OTX1: variants seen among roughly 807,000 people sequenced by gnomAD.
The protein encoded by OTX1 is orthodenticle homeobox 1.
In OTX1, 7 loss-of-function variants were observed where a neutral mutation model predicts 26.7. The observed-to-expected ratio is 0.26, with a 90% CI of 0.15 to 0.49. The LOEUF is 0.49. Ranked by LOEUF, OTX1 falls within the 20% of genes least tolerant of loss-of-function variation. The pLI, the probability that OTX1 is intolerant of heterozygous loss-of-function variation, is 0.98. For missense variants in OTX1, 414 were observed against 483.8 expected, an observed-to-expected ratio of 0.86 and a Z score of 1.35; for synonymous variants, 216 against 212.8, an observed-to-expected ratio of 1.01 and a Z score of -0.13.
rs2062063784 is a variant in OTX1 at position 63,055,952 on chromosome 2, G to A, written c.701G>A (p.Gly234Asp). 9 of 1,613,198 alleles carry A rather than the reference G, an allele frequency of 5.6e-6. No homozygotes were observed. The highest frequency in any genetic ancestry group is 7.6e-6 in the Non-Finnish European group (9 of 1,180,036). Reference sequence around the variant, plus strand: ...GGCCAGGGCGGCAGCTACGGCCAAGGCTACCCTACGCCCTCCTCTTCCTAC... The same window carrying A: ...GGCCAGGGCGGCAGCTACGGCCAAGACTACCCTACGCCCTCCTCTTCCTAC... ...SYGQGGSYGQ[G>D]YPTPSSSYFG... Residue 234 changes from glycine (G) to aspartate (D), a missense_variant, in exon 5 of 5, where the codon GGC becomes GAC. Physicochemically the swap from Gly to Asp is moderately conservative, Grantham distance 94 (BLOSUM62 -1). Around this residue, in one of 3 missense-constraint regions of OTX1, gnomAD observed 320 missense variants for 347.9 expected, o/e 0.92. Coordinates refer to ENST00000282549, the MANE Select transcript of OTX1 (RefSeq NM_014562.4). This position sits in a 1 kb window ranked among gnomAD's most constrained non-coding sequence, Gnocchi z 5.2.
rs2062055479 is a variant in OTX1, at chr2:63,055,321, G to C, written c.250-180G>C. Among the ~76,000 whole-genome samples, 1 of 152,212 alleles carries C rather than the reference G, an allele frequency of 6.6e-6. No individual in the cohort carries two copies. Among genetic ancestry groups the C allele is most frequent in the East Asian group, 1.9e-4 (1 of 5,176 alleles). ...TTTGAGCAGAAGGATGGGGGAGGGT[G>C]GAGGAGCTGGGAACCGAGGTAGGGG... On this transcript the variant is annotated intron_variant, in intron 4 of 4. Coordinates refer to ENST00000282549, the MANE Select transcript of OTX1 (RefSeq NM_014562.4). This position sits in a 1 kb window ranked among gnomAD's most constrained non-coding sequence, Gnocchi z 5.2.
In OTX1 at chr2:63,052,885, G is replaced by T; in HGVS notation, c.-106G>T. 1 of 696,444 alleles carries T rather than the reference G, an allele frequency of 1.4e-6. No individual in the cohort carries two copies. The highest frequency in any genetic ancestry group is 1.7e-5 in the South Asian group (1 of 58,804). 43.1% of individuals were successfully genotyped at this position (696,444 alleles called of 1,614,324 possible). A position where few individuals can be genotyped will look rare whatever the true frequency, so the allele number is the denominator to read the frequency against. On this transcript the variant is annotated 5_prime_UTR_variant, in exon 3 of 5. Coordinates refer to ENST00000282549, the MANE Select transcript of OTX1 (RefSeq NM_014562.4). ...TGTGTCTCGTGTCTTCATAGGCCAG[G>T]CCCCCAGACGCATCAGACCCTGAAG...
intron 3 of OTX1, 42 bp from the exon 4 acceptor site, chr2:63,054,005 G>A (rs768823452): frequency 6.3e-7 from 1 of 1,598,950 alleles, no homozygotes; most frequent in East Asian, 2.3e-5. Flanking sequence ...GCGGGTCCAC[G>A]TGGCCACCAA....
At chr2:63,053,169 G>C in intron 3 of OTX1, 82 bp downstream of exon 3, 1 of 963,422 alleles carries the variant, frequency 1.0e-6, no homozygotes, top group South Asian at 1.6e-5. Context: ...TGCAAGCTTT[G>C]TTGCTGAGCA....
intron 2 of OTX1, 142 bp downstream of exon 2, chr2:63,051,459 G>A (rs11692016): frequency 0.027 from 4,069 of 152,456 alleles, 74 homozygotes; most frequent in Non-Finnish European, 0.041. Context: ...CCCTCTTGGT[G>A]AGCCGAGGAC....
rs946781178 is a variant in OTX1 at position 63,056,923 on chromosome 2, G to C, written c.*607G>C. On this transcript the variant is annotated 3_prime_UTR_variant, in exon 5 of 5. Coordinates refer to ENST00000282549, the MANE Select transcript of OTX1 (RefSeq NM_014562.4). ...GGGCGCGCCAGGGCTAGGCCCGCCG[G>C]AGGAGCGCGTCCCCAGCCTTCCGCG... 6.6e-6 allele frequency: 1 copy of C among 152,634 alleles called. No homozygotes were observed. Among genetic ancestry groups the C allele is most frequent in the African/African-American group, 2.4e-5 (1 of 41,460 alleles). 9.5% of individuals were successfully genotyped at this position (152,634 alleles called of 1,614,324 possible). A position where few individuals can be genotyped will look rare whatever the true frequency, so the allele number is the denominator to read the frequency against.
At position 63,056,073 on chromosome 2, in the gene OTX1, C is replaced by T. The variant is rs1450673437; in HGVS notation, c.822C>T (p.Gly274=). The change falls in exon 5 of 5, where the codon GGC becomes GGT. Residue 274 remains glycine (G), a synonymous_variant. Coordinates refer to ENST00000282549, the MANE Select transcript of OTX1 (RefSeq NM_014562.4). The part of the protein sequence containing the change: ...LSPMAPSSMA[G]HHHHHPHAHH... ...CCATGGCACCCTCCTCCATGGCGGG[C>T]CACCATCATCACCACCCACATGCGC... The T allele has an allele frequency of 1.9e-6, 3 of 1,613,142 alleles. No homozygotes were observed. The highest frequency in any genetic ancestry group is 2.5e-6 in the Non-Finnish European group (3 of 1,179,432).
chr2:63,055,181 A>AT lies in OTX1; in HGVS notation c.250-317dup. The stretch of plus-strand genomic sequence containing the variant: ...TACACGGAAGCAGCCAACAGCAGCA[A>AT]TTTAGAGATGGCAGAACTTCTGACT... On this transcript the variant is annotated intron_variant, in intron 4 of 4. Coordinates refer to ENST00000282549, the MANE Select transcript of OTX1 (RefSeq NM_014562.4). The surrounding 1 kb of genome is among the most constrained non-coding windows in gnomAD (Gnocchi z 5.2). Among the ~76,000 whole-genome samples the AT allele has an allele frequency of 6.6e-6, 1 of 152,366 alleles. No individual in the cohort carries two copies. Among genetic ancestry groups the AT allele is most frequent in the African/African-American group, 2.4e-5 (1 of 41,592 alleles).
At chr2:63,050,550 G>A (rs934819984), upstream of OTX1, among the ~76,000 whole-genome samples, 3 of 152,136 alleles carry the variant, frequency 2.0e-5, no homozygotes, top group African/African-American at 7.2e-5. Flanking sequence ...CCCCCTCCGC[G>A]GCCAGGACTC....
Position 63,055,905 on chromosome 2 carries a change from A to T in OTX1, c.654A>T (p.Ala218=), listed in dbSNP as rs2062063374. The T allele has an allele frequency of 6.2e-7, 1 of 1,612,702 alleles. No individual in the cohort carries two copies. The highest frequency in any genetic ancestry group is 1.7e-5 in the Admixed American group (1 of 60,024). ...RSVAAGAATA[A]ASYPMSYGQG... Reference sequence around the variant, plus strand: ...TAGCTGCAGGCGCCGCCACCGCAGCAGCCTCTTATCCCATGTCCTACGGCC... The same window carrying T: ...TAGCTGCAGGCGCCGCCACCGCAGCTGCCTCTTATCCCATGTCCTACGGCC... Residue 218 remains alanine (A), a synonymous_variant, in exon 5 of 5, where the codon GCA becomes GCT. Coordinates refer to ENST00000282549, the MANE Select transcript of OTX1 (RefSeq NM_014562.4). The surrounding 1 kb of genome is among the most constrained non-coding windows in gnomAD (Gnocchi z 5.2).
chr2:63,056,148 C>T lies in OTX1; in HGVS notation c.897C>T (p.His299=). 6.2e-7 allele frequency: 1 copy of T among 1,614,082 alleles called. No individual in the cohort carries two copies. The highest frequency in any genetic ancestry group is 8.5e-7 in the Non-Finnish European group (1 of 1,180,022). Residue 299 remains histidine (H), a synonymous_variant, in exon 5 of 5, where the codon CAC becomes CAT. Transcript: ENST00000282549. ...GCCACCACCACCACCATCACCACCACCACCACCAAGGCTACGGTGGCTCTG... is the reference window on the plus strand; with the variant it reads ...GCCACCACCACCACCATCACCACCATCACCACCAAGGCTACGGTGGCTCTG... ...SSGHHHHHHH[H]HHQGYGGSGL... is the part of the protein sequence containing the mutation.
chr2:63,053,215 T>TCTGTTTACAATACAGGGCCCACTGC, intron 3 of OTX1, 128 bp downstream of exon 3: 1 of 620,254 alleles, frequency 1.6e-6, no homozygotes, highest in South Asian at 2.0e-5. Context: ...GGGCCCACTG[T>TCTGTTTACAATACAGGGCCCACTGC]CTGTTTACAA....
Position 63,055,759 on chromosome 2 carries a change from A to G in OTX1, c.508A>G (p.Thr170Ala). Residue 170 changes from threonine (T) to alanine (A), a missense_variant, in exon 5 of 5, where the codon ACA (threonine) becomes GCA (alanine). By Grantham distance (58) the Thr-to-Ala change is moderately conservative (BLOSUM62 0). Coordinates refer to ENST00000282549, the MANE Select transcript of OTX1 (RefSeq NM_014562.4). The surrounding 1 kb of genome is among the most constrained non-coding windows in gnomAD (Gnocchi z 5.2). ...GGTGGCGGCCGCGTCGTCGCTGAGT[A>G]CACCAGCTGCCTCATCTATCTGGAG... is the stretch of plus-strand genomic sequence containing the variant. The part of the protein sequence containing the change: ...NPVAAASSLS[T>A]PAASSIWSPA... 3.1e-6 allele frequency: 5 copies of G among 1,612,490 alleles called. No individual in the cohort carries two copies. The highest frequency in any genetic ancestry group is 4.2e-6 in the Non-Finnish European group (5 of 1,179,664).
intron 2 of OTX1, chr2:63,052,255 C>G (rs945889249): frequency 6.6e-6 from 1 of 152,466 alleles, no homozygotes; most frequent in Non-Finnish European, 1.5e-5. Context: ...AAGCCTGGGC[C>G]CGTTACTGCG....
At chr2:63,053,192 C>A in intron 3 of OTX1, 105 bp downstream of exon 3, 1 of 723,840 alleles carries the variant, frequency 1.4e-6, no homozygotes. Flanking sequence ...CCCAGGGAGC[C>A]GGCTGCAACA....
rs2062046141 is a variant in OTX1 at position 63,054,034 on chromosome 2, C to T, written c.98-13C>T. On this transcript the variant is annotated splice_polypyrimidine_tract_variant and intron_variant, in intron 3 of 4. Transcript: ENST00000282549. ...CCACCAATGACCCGCGGCGCCCCCG[C>T]GTGTCCCCGCAGCCACTCCGCGGAA... 1 of 1,606,864 alleles carries T rather than the reference C, an allele frequency of 6.2e-7. No homozygotes were observed. The highest frequency in any genetic ancestry group is 8.5e-7 in the Non-Finnish European group (1 of 1,176,626).
In OTX1 at chr2:63,057,151, A is replaced by G. The variant is rs1403120681; in HGVS notation, c.*835A>G. ...ACAGCACATATATATATATATACAT[A>G]TATATATACACATATATAAAAAACA... On this transcript the variant is annotated 3_prime_UTR_variant, in exon 5 of 5. Coordinates refer to ENST00000282549, the MANE Select transcript of OTX1 (RefSeq NM_014562.4). The G allele has an allele frequency of 6.6e-6, 1 of 151,162 alleles. No homozygotes were observed. Among genetic ancestry groups the G allele is most frequent in the African/African-American group, 2.4e-5 (1 of 41,182 alleles). 9.4% of individuals were successfully genotyped at this position (151,162 alleles called of 1,614,324 possible).
At position 63,057,601 on chromosome 2, in the gene OTX1, T is replaced by G. The variant is rs1342039014; in HGVS notation, c.*1285T>G. 1 of 152,166 alleles carries G rather than the reference T, an allele frequency of 6.6e-6. No individual in the cohort carries two copies. Among genetic ancestry groups the G allele is most frequent in the African/African-American group, 2.4e-5 (1 of 41,422 alleles). The allele number at this position is 152,166 out of a possible 1,614,324, so 9.4% of individuals were successfully genotyped here. A position where few individuals can be genotyped will look rare whatever the true frequency, so the allele number is the denominator to read the frequency against. On this transcript the variant is annotated 3_prime_UTR_variant, in exon 5 of 5. Transcript: ENST00000282549. ...TGTCGGCTTCTCTCTTTCAACACCC[T>G]TGTTTTGTCTAGTGAGTTTTTAGTG...
rs1287391117 is a variant in OTX1 at position 63,055,860 on chromosome 2, C to G, written c.609C>G (p.Thr203=). 1 of 1,612,288 alleles carries G rather than the reference C, an allele frequency of 6.2e-7. No homozygotes were observed. The highest frequency in any genetic ancestry group is 8.5e-7 in the Non-Finnish European group (1 of 1,179,886). ...VPEPLAAPSN[T]SCMQRSVAAG... ...AGCCATTGGCCGCGCCTAGCAACAC[C>G]TCGTGTATGCAGCGCTCCGTAGCTG... is the stretch of plus-strand genomic sequence containing the variant. Residue 203 remains threonine (T), a synonymous_variant, in exon 5 of 5, where the codon ACC becomes ACG. Coordinates refer to ENST00000282549, the MANE Select transcript of OTX1 (RefSeq NM_014562.4). This position sits in a 1 kb window ranked among gnomAD's most constrained non-coding sequence, Gnocchi z 5.2.
Sources: allele counts gnomAD v4.1 joint callset (sites outside exome capture counted in the v4.1 genomes callset), GRCh38; gene constraint gnomAD v4.1.1; regional missense constraint gnomAD v4.1.1; non-coding constraint Gnocchi (gnomAD v3.1); transcripts MANE v1.5; gene names NCBI Gene and HGNC (gene_info 2026-07-23, HGNC 2026-07-21).